The following NKAIN3 variants were observed in gnomAD, a reference collection of about 807,000 sequenced individuals.
NKAIN3 encodes the protein sodium/potassium transporting ATPase interacting 3.
In NKAIN3, 25 loss-of-function variants were observed where a neutral mutation model predicts 30.2. That is an observed-to-expected ratio of 0.83 (90% CI 0.60 to 1.16). The LOEUF (loss-of-function observed/expected upper bound fraction) is 1.16. NKAIN3 is among the 50% of genes most tolerant of loss of function. The pLI, the probability that NKAIN3 is intolerant of heterozygous loss-of-function variation, is 0.00. For synonymous variants in NKAIN3, 91 were observed against 89.6 expected, an observed-to-expected ratio of 1.02 and a Z score of -0.09; for missense variants, 225 against 254.1, an observed-to-expected ratio of 0.89 and a Z score of 0.78.
At chr8:62,609,252 G>A (rs1281850563) in intron 3 of NKAIN3, among the ~76,000 whole-genome samples, 3 of 152,086 alleles carry the variant, frequency 2.0e-5, no homozygotes, top group Non-Finnish European at 4.4e-5. Context: ...TTTCCCTCAA[G>A]TAGCTTGAGG....
intron 1 of NKAIN3, among the ~76,000 whole-genome samples, chr8:62,428,704 A>G (rs1804896418): frequency 6.6e-6 from 1 of 151,598 alleles, no homozygotes. Context: ...TTATTTGTTT[A>G]TTTGTTATTG....
At chr8:62,569,861 G>T (rs1448132036) in intron 1 of NKAIN3, among the ~76,000 whole-genome samples, 7 of 151,946 alleles carry the variant, frequency 4.6e-5, no homozygotes, top group African/African-American at 7.3e-5. Flanking sequence ...ATGATATTTA[G>T]AGCTTTTAAA....
intron 1 of NKAIN3, among the ~76,000 whole-genome samples, chr8:62,433,382 C>T (rs1041503433): frequency 6.6e-6 from 1 of 152,018 alleles, no homozygotes; most frequent in African/African-American, 2.4e-5. Context: ...CAGGTAGTTA[C>T]AGATATTAGT....
At chr8:62,590,784 C>T (rs1161742940) in intron 3 of NKAIN3, among the ~76,000 whole-genome samples, 1 of 151,676 alleles carries the variant, frequency 6.6e-6, no homozygotes, top group Non-Finnish European at 1.5e-5. Context: ...AAGGATTTTT[C>T]CAGAGCCTCC....
intron 3 of NKAIN3, among the ~76,000 whole-genome samples, chr8:62,697,765 G>A (rs996901811): frequency 2.0e-5 from 3 of 152,128 alleles, no homozygotes; most frequent in South Asian, 4.1e-4. Context: ...ACTAAGATGA[G>A]CAATGATTAC....
At chr8:62,936,653 C>T (rs1029938764) in intron 5 of NKAIN3, among the ~76,000 whole-genome samples, 12 of 152,140 alleles carry the variant, frequency 7.9e-5, no homozygotes, top group African/African-American at 2.9e-4. Context: ...TAATATTCAT[C>T]ATTATCCATC....
At chr8:62,322,131 C>G (rs746358095) in intron 1 of NKAIN3, among the ~76,000 whole-genome samples, 9 of 152,166 alleles carry the variant, frequency 5.9e-5, no homozygotes, top group Non-Finnish European at 1.2e-4. Context: ...CCGAGCCAGG[C>G]ATAGGTTATC....
intron 5 of NKAIN3, among the ~76,000 whole-genome samples, chr8:62,935,186 C>T (rs1340768042): frequency 6.6e-6 from 1 of 152,044 alleles, no homozygotes; most frequent in Non-Finnish European, 1.5e-5. Context: ...AGTACAAGTT[C>T]GTGAAAGTTC....
chr8:62,689,116 A>G (rs1391783746), intron 3 of NKAIN3, among the ~76,000 whole-genome samples: 2 of 152,222 alleles, frequency 1.3e-5, no homozygotes, highest in African/African-American at 4.8e-5. Context: ...AAGAGAAACT[A>G]CAATTTATTT....
At chr8:62,326,484 T>G (rs934119211) in intron 1 of NKAIN3, among the ~76,000 whole-genome samples, 8 of 151,930 alleles carry the variant, frequency 5.3e-5, no homozygotes, top group African/African-American at 1.9e-4. Context: ...GATTGATTTC[T>G]GTATAAGCTG....
intron 4 of NKAIN3, among the ~76,000 whole-genome samples, chr8:62,812,103 A>G (rs1053124111): frequency 6.6e-6 from 1 of 151,976 alleles, no homozygotes; most frequent in African/African-American, 2.4e-5. Context: ...CTATTTTTCT[A>G]CATTGAATTG....
chr8:62,885,488 A>G (rs1341063638), intron 4 of NKAIN3, among the ~76,000 whole-genome samples: 1 of 152,190 alleles, frequency 6.6e-6, no homozygotes, highest in African/African-American at 2.4e-5. Context: ...ATAGATGTCA[A>G]TTATATCCAT....
intron 1 of NKAIN3, among the ~76,000 whole-genome samples, chr8:62,493,841 A>G (rs1215747133): frequency 1.3e-5 from 2 of 152,058 alleles, no homozygotes; most frequent in South Asian, 2.1e-4. Flanking sequence ...CTGTTGGTGT[A>G]TAGGAATGCT....
chr8:62,402,727 C>A (rs1803921607), intron 1 of NKAIN3, among the ~76,000 whole-genome samples: 1 of 152,174 alleles, frequency 6.6e-6, no homozygotes, highest in Non-Finnish European at 1.5e-5. Flanking sequence ...AACCTCTTTC[C>A]TTTGTAAATT....
At position 62,799,816 on chromosome 8, in the gene NKAIN3, C is replaced by T. The variant is rs141588179; in HGVS notation, c.471+52687C>T. ...GCCCAAATGCCCATCAATCCACCAA[C>T]GAGTGGATAGAGAGAAAATGTGGCA... is the stretch of plus-strand genomic sequence containing the variant. On this transcript the variant is annotated intron_variant, in intron 4 of 6. Transcript: ENST00000623646. Among the ~76,000 whole-genome samples the T allele has an allele frequency of 6.0e-3, 906 of 152,080 alleles. 7 individuals are homozygous for T. The highest frequency in any genetic ancestry group is 0.021 in the African/African-American group (859 of 41,490).
intron 5 of NKAIN3, among the ~76,000 whole-genome samples, chr8:62,936,766 A>T (rs1359560952): frequency 6.6e-6 from 1 of 152,088 alleles, no homozygotes; most frequent in East Asian, 1.9e-4. Flanking sequence ...TTCTGTCCTA[A>T]TGTCATATGT....
chr8:62,284,261 G>C (rs1813297285), intron 1 of NKAIN3, among the ~76,000 whole-genome samples: 1 of 152,052 alleles, frequency 6.6e-6, no homozygotes, highest in South Asian at 2.1e-4. Flanking sequence ...CTGTGACTGG[G>C]ACTTACGGGG....
chr8:62,528,457 C>T (rs1214422771), intron 1 of NKAIN3, among the ~76,000 whole-genome samples: 2 of 151,144 alleles, frequency 1.3e-5, no homozygotes, highest in African/African-American at 2.4e-5. Flanking sequence ...TGACAAGCAT[C>T]GAATCTATTC....
chr8:62,720,957 C>T (rs1042378647), intron 3 of NKAIN3, among the ~76,000 whole-genome samples: 2 of 152,152 alleles, frequency 1.3e-5, no homozygotes, highest in African/African-American at 4.8e-5. Context: ...ATGCATCTGC[C>T]GCATCGCTTA....
Sources: allele counts gnomAD v4.1 joint callset (sites outside exome capture counted in the v4.1 genomes callset), GRCh38; gene constraint gnomAD v4.1.1; transcripts MANE v1.5; gene names NCBI Gene and HGNC (gene_info 2026-07-23, HGNC 2026-07-21).